Variants in YWHAE observed in about 807,000 individuals in gnomAD.
YWHAE encodes tyrosine 3-monooxygenase/tryptophan 5-monooxygenase activation protein epsilon.
A neutral mutation model predicts 30.1 loss-of-function variants in YWHAE; 4 were observed. The observed-to-expected ratio is 0.13, with a 90% CI of 0.07 to 0.30. The LOEUF is 0.30. YWHAE is among the 10% of genes least tolerant of loss of function. The probability of loss-of-function intolerance (pLI) is 1.00; values close to 1 mark genes in which losing one functional copy is unlikely to be tolerated. For missense variants in YWHAE, 121 were observed against 315.9 expected, an observed-to-expected ratio of 0.38 and a Z score of 4.68; for synonymous variants, 118 against 111.8, an observed-to-expected ratio of 1.06 and a Z score of -0.35.
chr17:1,384,563 G>T (rs191218279), intron 1 of YWHAE, among the ~76,000 whole-genome samples: 1 of 151,844 alleles, frequency 6.6e-6, no homozygotes, highest in Non-Finnish European at 1.5e-5. Flanking sequence ...CATGGTGGCA[G>T]GCACCTGTAC....
intron 1 of YWHAE, among the ~76,000 whole-genome samples, chr17:1,377,461 C>A (rs909783907): frequency 6.6e-6 from 1 of 152,138 alleles, no homozygotes; most frequent in African/African-American, 2.4e-5. Flanking sequence ...AAGGTTCTGT[C>A]AGAACCGGAA....
intron 1 of YWHAE, among the ~76,000 whole-genome samples, chr17:1,383,801 C>A (rs1457102663): frequency 6.6e-6 from 1 of 152,100 alleles, no homozygotes; most frequent in Non-Finnish European, 1.5e-5. Flanking sequence ...TAGAGTATTC[C>A]CGCAATCTCC....
chr17:1,364,400 G>A (rs2072912468), intron 2 of YWHAE, among the ~76,000 whole-genome samples: 1 of 151,972 alleles, frequency 6.6e-6, no homozygotes, highest in South Asian at 2.1e-4. Context: ...CTAATGTTTT[G>A]TATTTTTAGT....
chr17:1,385,227 G>GA (rs998563540), intron 1 of YWHAE, among the ~76,000 whole-genome samples: 4 of 150,382 alleles, frequency 2.7e-5, no homozygotes, highest in African/African-American at 9.8e-5. Flanking sequence ...TAAAGGTTAA[G>GA]AAAAAATCTG....
intron 2 of YWHAE, 125 bp downstream of exon 2, chr17:1,364,734 C>T (rs2150853198): frequency 8.4e-7 from 1 of 1,192,172 alleles, no homozygotes; most frequent in East Asian, 2.3e-5. Context: ...ATATCAGAAA[C>T]ATTATAACAT....
chr17:1,384,195 C>G (rs1032180991), intron 1 of YWHAE, among the ~76,000 whole-genome samples: 1 of 152,062 alleles, frequency 6.6e-6, no homozygotes, highest in Non-Finnish European at 1.5e-5. Context: ...AAGAGCAAGA[C>G]CCTGTCTCAA....
intron 1 of YWHAE, among the ~76,000 whole-genome samples, chr17:1,397,259 G>A (rs903024822): frequency 2.0e-5 from 3 of 152,292 alleles, no homozygotes; most frequent in Non-Finnish European, 2.9e-5. Flanking sequence ...TTTGAGAAAT[G>A]CTAAGAAATA....
At chr17:1,379,699 C>T (rs1290071976) in intron 1 of YWHAE, among the ~76,000 whole-genome samples, 1 of 152,104 alleles carries the variant, frequency 6.6e-6, no homozygotes, top group Admixed American at 6.6e-5. Flanking sequence ...GAGCAAAAGG[C>T]TGGGATGTAC....
chr17:1,346,146 A>AT (rs1415075096), intron 5 of YWHAE, among the ~76,000 whole-genome samples: 1 of 152,190 alleles, frequency 6.6e-6, no homozygotes, highest in East Asian at 1.9e-4. Context: ...CACTCATGCT[A>AT]TTTGTCTTTT....
At chr17:1,377,069 G>A (rs1031614906) in intron 1 of YWHAE, among the ~76,000 whole-genome samples, 24 of 151,770 alleles carry the variant, frequency 1.6e-4, no homozygotes, top group South Asian at 4.2e-4. Context: ...GCCCGCCAAC[G>A]TGCACGGCTA....
At chr17:1,363,494 C>G (rs11652413) in intron 2 of YWHAE, among the ~76,000 whole-genome samples, 125,658 of 152,022 alleles carry the variant, frequency 0.83, 52,450 homozygotes, top group African/African-American at 0.95. Flanking sequence ...TCGAACTCCT[C>G]ACCTCAGGTA....
intron 4 of YWHAE, among the ~76,000 whole-genome samples, chr17:1,360,820 CCT>C (rs1167475632): frequency 6.6e-6 from 1 of 152,048 alleles, no homozygotes. Flanking sequence ...AATTCTAATT[CCT>C]CTCATTTCCT....
chr17:1,361,425 A>G, intron 3 of YWHAE, 127 bp from the exon 4 acceptor site: 1 of 698,286 alleles, frequency 1.4e-6, no homozygotes, highest in Non-Finnish European at 2.2e-6. Context: ...AATTAGGTGT[A>G]CTTCAATAAT....
chr17:1,367,551 G>C lies in YWHAE; in HGVS notation c.65-2493C>G, dbSNP rs576113731. 2.0e-5 allele frequency among the ~76,000 whole-genome samples: 3 copies of C among 152,136 alleles called. No homozygotes were observed. In the South Asian group the frequency reaches 6.2e-4, roughly 32 times the overall value. ...CAGGCCTGCAGTGAGCTATTAGGTTGGTACAAAAGTAATTGCGCATTTTGC... is the reference window on the plus strand; with the variant it reads ...CAGGCCTGCAGTGAGCTATTAGGTTCGTACAAAAGTAATTGCGCATTTTGC... On this transcript the variant is annotated intron_variant, in intron 1 of 5. Coordinates refer to ENST00000264335, the MANE Select transcript of YWHAE (RefSeq NM_006761.5).
intron 5 of YWHAE, 122 bp from the exon 6 acceptor site, chr17:1,345,621 C>T: frequency 1.0e-6 from 1 of 995,132 alleles, no homozygotes; most frequent in East Asian, 2.5e-5. Context: ...GTATTAAACG[C>T]AGGCAAAGGA....
intron 4 of YWHAE, among the ~76,000 whole-genome samples, chr17:1,357,852 G>C (rs573729624): frequency 6.6e-6 from 1 of 151,446 alleles, no homozygotes; most frequent in Non-Finnish European, 1.5e-5. Context: ...GCTTGAAACC[G>C]GGAGGCAGAG....
intron 1 of YWHAE, among the ~76,000 whole-genome samples, chr17:1,392,063 G>A (rs1464126617): frequency 2.6e-5 from 4 of 152,020 alleles, no homozygotes; most frequent in African/African-American, 9.7e-5. Flanking sequence ...AGCCAGAAGT[G>A]GTGGTATACT....
intron 1 of YWHAE, among the ~76,000 whole-genome samples, chr17:1,372,343 CT>C (rs1199381111): frequency 6.6e-6 from 1 of 152,192 alleles, no homozygotes; most frequent in African/African-American, 2.4e-5. Context: ...ACCACCAAAA[CT>C]TTCTGTCAGC....
chr17:1,366,408 C>T (rs747813230), intron 1 of YWHAE, among the ~76,000 whole-genome samples: 1 of 151,180 alleles, frequency 6.6e-6, no homozygotes, highest in Non-Finnish European at 1.5e-5. Context: ...TTTGGTGGTG[C>T]GCGCCTGTAA....
Sources: allele counts gnomAD v4.1 joint callset (sites outside exome capture counted in the v4.1 genomes callset), GRCh38; gene constraint gnomAD v4.1.1; transcripts MANE v1.5; gene names NCBI Gene and HGNC (gene_info 2026-07-23, HGNC 2026-07-21).